The following B3GLCT variants were observed in gnomAD, a reference collection of about 807,000 sequenced individuals.
B3GLCT encodes the protein beta 3-glucosyltransferase.
A neutral mutation model predicts 63.4 loss-of-function variants in B3GLCT; 65 were observed. The ratio of observed to expected loss-of-function variants is 1.03; its 90% confidence interval spans 0.84 to 1.26. The LOEUF (loss-of-function observed/expected upper bound fraction) is 1.26, where lower values mean the gene tolerates loss of function less well. Among genes scored for constraint, B3GLCT ranks in the 50% most tolerant of loss-of-function variants. The probability of loss-of-function intolerance (pLI) is 0.00; values close to 1 mark genes in which losing one functional copy is unlikely to be tolerated. For missense variants in B3GLCT, 577 were observed against 604.8 expected (o/e 0.95, Z 0.48); for synonymous variants, 233 against 219.2 (o/e 1.06, Z -0.55).
At chr13:31,288,699 C>T (rs1873477304) in intron 12 of B3GLCT, among the ~76,000 whole-genome samples, 1 of 152,134 alleles carries the variant, frequency 6.6e-6, no homozygotes, top group Non-Finnish European at 1.5e-5. Flanking sequence ...AAAATAAAAG[C>T]CAAGGTGTCT....
At chr13:31,267,484 C>T (rs1872382543) in intron 7 of B3GLCT, among the ~76,000 whole-genome samples, 1 of 152,336 alleles carries the variant, frequency 6.6e-6, no homozygotes, top group Non-Finnish European at 1.5e-5. Context: ...AACAAGATCT[C>T]ACTTGCCAGG....
intron 8 of B3GLCT, among the ~76,000 whole-genome samples, chr13:31,272,381 A>AT (rs997843643): frequency 8.0e-5 from 12 of 150,862 alleles, no homozygotes; most frequent in Non-Finnish European, 1.2e-4. Context: ...TGCCCGGCTA[A>AT]TTTTTTTTGT....
intron 11 of B3GLCT, among the ~76,000 whole-genome samples, chr13:31,285,359 A>G (rs1873267881): frequency 6.6e-6 from 1 of 152,030 alleles, no homozygotes. Context: ...ACTGAGTACG[A>G]TAGACACTCT....
intron 14 of B3GLCT, among the ~76,000 whole-genome samples, chr13:31,326,961 G>A (rs546340449): frequency 6.6e-6 from 1 of 152,098 alleles, no homozygotes; most frequent in East Asian, 1.9e-4. Flanking sequence ...TTTTTTTCCT[G>A]TTAGATGCAT....
rs1344692733 is a variant in B3GLCT, at chr13:31,329,596, C to T, written c.1425C>T (p.Phe475=). 1.9e-6 allele frequency: 3 copies of T among 1,614,202 alleles called. No individual in the cohort carries two copies. The East Asian group carries it at 6.7e-5, about 36-fold the overall frequency. ...HWNIDPVKVY[F]TWLAPSDEDK... Reference sequence around the variant, plus strand: ...ACATCGATCCAGTGAAGGTGTATTTCACATGGTTGGCACCCAGTGACGAAG... The same window carrying T: ...ACATCGATCCAGTGAAGGTGTATTTTACATGGTTGGCACCCAGTGACGAAG... The change falls in exon 15 of 15, where the codon TTC becomes TTT. Residue 475 remains phenylalanine (F), a synonymous_variant. Coordinates refer to ENST00000343307, the MANE Select transcript of B3GLCT (RefSeq NM_194318.4).
intron 6 of B3GLCT, among the ~76,000 whole-genome samples, chr13:31,259,661 A>G (rs534808519): frequency 6.6e-6 from 1 of 151,812 alleles, no homozygotes; most frequent in East Asian, 2.0e-4. Flanking sequence ...TCCGCCTTTC[A>G]GTCCAGCAAG....
chr13:31,256,273 AAAC>A (rs1253341487), intron 6 of B3GLCT, among the ~76,000 whole-genome samples: 3 of 152,226 alleles, frequency 2.0e-5, no homozygotes, highest in African/African-American at 2.4e-5. Flanking sequence ...ATTAAAAAGG[AAAC>A]AACAGATGCT....
intron 1 of B3GLCT, among the ~76,000 whole-genome samples, chr13:31,202,155 A>G (rs1278673856): frequency 1.3e-5 from 2 of 152,228 alleles, no homozygotes; most frequent in Non-Finnish European, 2.9e-5. Flanking sequence ...TACCTTAAAT[A>G]TTCCCATATA....
intron 4 of B3GLCT, among the ~76,000 whole-genome samples, chr13:31,242,740 G>A (rs532221153): frequency 3.9e-5 from 6 of 152,258 alleles, no homozygotes; most frequent in South Asian, 2.1e-4. Context: ...TAAAATGGAC[G>A]GAGTAATGCT....
chr13:31,210,739 CTTTTTA>C (rs930136095), intron 1 of B3GLCT, among the ~76,000 whole-genome samples: 5 of 151,910 alleles, frequency 3.3e-5, no homozygotes, highest in African/African-American at 4.8e-5. Flanking sequence ...TATTTGGTTC[CTTTTTA>C]TTTTTATTTT....
intron 12 of B3GLCT, among the ~76,000 whole-genome samples, chr13:31,316,199 T>C (rs1593317136): frequency 1.3e-5 from 2 of 151,522 alleles, no homozygotes; most frequent in East Asian, 3.9e-4. Context: ...AGGGCCACCA[T>C]CTTCCAGACC....
At chr13:31,239,628 A>G (rs1219998995) in intron 4 of B3GLCT, among the ~76,000 whole-genome samples, 1 of 151,738 alleles carries the variant, frequency 6.6e-6, no homozygotes, top group East Asian at 1.9e-4. Context: ...GGTTCTAGAG[A>G]TGATACTATT....
chr13:31,212,485 A>G (rs1440515636), intron 1 of B3GLCT, among the ~76,000 whole-genome samples: 1 of 151,876 alleles, frequency 6.6e-6, no homozygotes, highest in Non-Finnish European at 1.5e-5. Context: ...GTTTTGGCCA[A>G]GCTGGTCTCA....
chr13:31,292,618 C>A (rs1224763008), intron 12 of B3GLCT, among the ~76,000 whole-genome samples: 1 of 151,834 alleles, frequency 6.6e-6, no homozygotes, highest in Non-Finnish European at 1.5e-5. Flanking sequence ...ATAGTATTAT[C>A]TGATGGTAGT....
chr13:31,272,218 C>T (rs1383992699), intron 8 of B3GLCT, among the ~76,000 whole-genome samples: 1 of 136,242 alleles, frequency 7.3e-6, no homozygotes, highest in Non-Finnish European at 1.5e-5. Context: ...TCTATTTTTC[C>T]TTTTTTTTTT....
intron 13 of B3GLCT, among the ~76,000 whole-genome samples, chr13:31,322,350 G>C (rs527430713): frequency 6.6e-6 from 1 of 152,376 alleles, no homozygotes; most frequent in Non-Finnish European, 1.5e-5. Context: ...GATCTGCACT[G>C]TGTTCTTGGG....
intron 6 of B3GLCT, among the ~76,000 whole-genome samples, chr13:31,259,224 T>C (rs1383844209): frequency 1.3e-5 from 2 of 152,256 alleles, no homozygotes; most frequent in Non-Finnish European, 2.9e-5. Context: ...CTGTTTTATC[T>C]GTGCATCTCC....
intron 12 of B3GLCT, among the ~76,000 whole-genome samples, chr13:31,315,488 C>T (rs181221265): frequency 2.7e-4 from 41 of 152,244 alleles, no homozygotes; most frequent in African/African-American, 9.9e-4. Context: ...GAAGAAATTT[C>T]TAAGGAGCAA....
rs771937233 is a variant in B3GLCT at position 31,317,645 on chromosome 13, C to T, written c.1144C>T (p.Leu382=). The T allele has an allele frequency of 2.5e-6, 4 of 1,614,060 alleles. No homozygotes were observed. In the Admixed American group the frequency reaches 6.7e-5, roughly 27 times the overall value. Residue 382 remains leucine (L), a synonymous_variant, in exon 13 of 15, where the codon CTG becomes TTG. Coordinates refer to ENST00000343307, the MANE Select transcript of B3GLCT (RefSeq NM_194318.4). ...VFLGERYGYG[L]GTGGYSYITG... is the part of the protein sequence containing the mutation. The stretch of plus-strand genomic sequence containing the variant: ...TCTGGGAGAGCGCTACGGCTACGGC[C>T]TGGGCACTGGTGGCTACAGCTACAT...
Sources: gnomAD v4.1 joint callset for allele counts (sites outside exome capture counted in the v4.1 genomes callset) on GRCh38, gnomAD v4.1.1 for gene constraint, MANE v1.5 for transcripts, NCBI Gene and HGNC (gene_info 2026-07-23, HGNC 2026-07-21) for gene names.